TANC1: variants seen among roughly 807,000 people sequenced by gnomAD.
TANC1 encodes tetratricopeptide repeat, ankyrin repeat and coiled-coil containing 1, also known as protein TANC1.
In TANC1, 77 loss-of-function variants were observed where a neutral mutation model predicts 149.7. The ratio of observed to expected loss-of-function variants is 0.51; its 90% CI spans 0.43 to 0.62. The LOEUF (loss-of-function observed/expected upper bound fraction) is 0.62, where lower values mean the gene tolerates loss of function less well. TANC1 is among the 20% of genes least tolerant of loss of function. The pLI is 0.00. For missense variants in TANC1, 1,985 were observed against 2,321.8 expected (o/e 0.85, Z 2.98); for synonymous variants, 854 against 925.0 (o/e 0.92, Z 1.39).
At chr2:159,059,337 T>C (rs2042064084) in intron 2 of TANC1, among the ~76,000 whole-genome samples, 1 of 151,634 alleles carries the variant, frequency 6.6e-6, no homozygotes, top group African/African-American at 2.4e-5. Flanking sequence ...GACCTCCATC[T>C]CTATGAAAAA....
chr2:158,996,769 T>C (rs992506627), intron 1 of TANC1, among the ~76,000 whole-genome samples: 3 of 152,178 alleles, frequency 2.0e-5, no homozygotes, highest in African/African-American at 7.2e-5. Flanking sequence ...GGGATACACG[T>C]AGACATAAGT....
intron 14 of TANC1, among the ~76,000 whole-genome samples, chr2:159,184,307 C>A (rs1267963804): frequency 6.6e-6 from 1 of 152,170 alleles, no homozygotes; most frequent in Non-Finnish European, 1.5e-5. Context: ...TGCTTGGTCT[C>A]AAGAACAGGA....
At chr2:159,143,739 C>T (rs2051727841) in intron 5 of TANC1, among the ~76,000 whole-genome samples, 2 of 151,974 alleles carry the variant, frequency 1.3e-5, no homozygotes, top group Non-Finnish European at 2.9e-5. Context: ...AGATTGAATG[C>T]AGAAGAAGTT....
chr2:159,211,033 G>A (rs958473733), intron 19 of TANC1, among the ~76,000 whole-genome samples: 3 of 151,900 alleles, frequency 2.0e-5, no homozygotes, highest in Non-Finnish European at 4.4e-5. Context: ...ACCACTCCCG[G>A]CTAATTTTTG....
chr2:159,123,318 G>A (rs966006045), intron 4 of TANC1, among the ~76,000 whole-genome samples: 1 of 152,166 alleles, frequency 6.6e-6, no homozygotes, highest in Admixed American at 6.5e-5. Context: ...AGAAGGCTGG[G>A]ATAGTCTTGA....
At chr2:159,047,434 T>C (rs1244418989) in intron 2 of TANC1, among the ~76,000 whole-genome samples, 4 of 151,982 alleles carry the variant, frequency 2.6e-5, no homozygotes, top group East Asian at 1.9e-4. Flanking sequence ...GAAAAATATC[T>C]TGGGCCCCCA....
intron 4 of TANC1, among the ~76,000 whole-genome samples, chr2:159,107,517 T>C (rs996746956): frequency 1.3e-5 from 2 of 152,236 alleles, no homozygotes; most frequent in Non-Finnish European, 2.9e-5. Context: ...GTTCATTTTC[T>C]TGTGTGATGT....
chr2:159,096,561 A>C (rs1270258388), intron 3 of TANC1, among the ~76,000 whole-genome samples: 1 of 152,226 alleles, frequency 6.6e-6, no homozygotes, highest in East Asian at 1.9e-4. Context: ...GGGGAGGGGC[A>C]GGAGTTCTTA....
At chr2:159,225,601 C>A in intron 23 of TANC1, 87 bp from the exon 24 acceptor site, 2 of 1,023,352 alleles carry the variant, frequency 2.0e-6, no homozygotes, top group Non-Finnish European at 3.1e-6. Flanking sequence ...CCTGCTGGTG[C>A]TGACCTCCAG....
At chr2:159,017,463 C>T (rs2038391019) in intron 2 of TANC1, among the ~76,000 whole-genome samples, 1 of 152,134 alleles carries the variant, frequency 6.6e-6, no homozygotes, top group Non-Finnish European at 1.5e-5. Context: ...TTCTGCCTGA[C>T]TCAAGATTGT....
Position 159,149,197 on chromosome 2 carries a change from A to C in TANC1, c.420A>C (p.Thr140=). 1 of 1,613,908 alleles carries C rather than the reference A, an allele frequency of 6.2e-7. No individual in the cohort carries two copies. The highest frequency in any genetic ancestry group is 1.3e-5 in the African/African-American group (1 of 75,052). Residue 140 remains threonine (T), a synonymous_variant, in exon 6 of 27, where the codon ACA becomes ACC. Coordinates refer to ENST00000263635, the MANE Select transcript of TANC1 (RefSeq NM_033394.3). Reference sequence around the variant, plus strand: ...CGCCGGCAGCTCAAGAACTGTTGACAAGGCTGGGATTTTTACTGGGAGAAG... The same window carrying C: ...CGCCGGCAGCTCAAGAACTGTTGACCAGGCTGGGATTTTTACTGGGAGAAG... ...SCSPAAQELL[T]RLGFLLGEGI...
chr2:159,096,250 G>A (rs1159606032), intron 3 of TANC1, among the ~76,000 whole-genome samples: 2 of 150,570 alleles, frequency 1.3e-5, no homozygotes, highest in African/African-American at 4.9e-5. Flanking sequence ...GGAAGAAGCA[G>A]TCAGAGGAAA....
At chr2:159,200,030 G>T (rs1472587291) in intron 19 of TANC1, among the ~76,000 whole-genome samples, 1 of 152,176 alleles carries the variant, frequency 6.6e-6, no homozygotes, top group Admixed American at 6.5e-5. Context: ...GAATTCCAGC[G>T]GAGTTGGATT....
rs530578603 is a variant in TANC1, at chr2:159,229,331, C to G, written c.4152-247C>G. Among the ~76,000 whole-genome samples, 3 of 152,200 alleles carry G rather than the reference C, an allele frequency of 2.0e-5. No homozygotes were observed. The East Asian group carries it at 5.8e-4, about 30-fold the overall frequency. On this transcript the variant is annotated intron_variant, in intron 26 of 26. Coordinates refer to ENST00000263635, the MANE Select transcript of TANC1 (RefSeq NM_033394.3). ...GGCGCCCACTGATTCATGCTTCTCC[C>G]TATTCCCAGTCCAGTGGTCTTTATG...
At chr2:159,046,910 G>A (rs1403453688) in intron 2 of TANC1, among the ~76,000 whole-genome samples, 1 of 151,916 alleles carries the variant, frequency 6.6e-6, no homozygotes. Flanking sequence ...CCGCCCCTTT[G>A]CACCATACTC....
chr2:159,149,481 A>G, intron 6 of TANC1: 1 of 615,876 alleles, frequency 1.6e-6, no homozygotes, highest in Non-Finnish European at 2.9e-6. Flanking sequence ...ACGTAAGAAA[A>G]TGTCCACATT....
In TANC1 at chr2:159,169,251, A is replaced by C; in HGVS notation, c.948A>C (p.Ala316=). 6.2e-7 allele frequency: 1 copy of C among 1,613,608 alleles called. No individual in the cohort carries two copies. Among genetic ancestry groups the C allele is most frequent in the Non-Finnish European group, 8.5e-7 (1 of 1,179,526 alleles). The change falls in exon 9 of 27, where the codon GCA becomes GCC. Residue 316 remains alanine, a splice_region_variant and synonymous_variant. Transcript: ENST00000263635. ...CTAAACTTCAGTTTAATATTACAGC[A>C]ACAAGCTCAACCAAATTGGAAGATC... ...LIMPRPNSVA[A]TSSTKLEDLS...
At chr2:159,173,861 G>A (rs1175066355) in intron 11 of TANC1, among the ~76,000 whole-genome samples, 1 of 152,222 alleles carries the variant, frequency 6.6e-6, no homozygotes, top group African/African-American at 2.4e-5. Context: ...GAGAAAAGCT[G>A]TTGCACATTT....
chr2:158,969,175 A>G (rs914926747), intron 1 of TANC1, among the ~76,000 whole-genome samples: 14 of 152,006 alleles, frequency 9.2e-5, no homozygotes, highest in African/African-American at 2.7e-4. Flanking sequence ...CCTTCTCTGT[A>G]GCCCTCGGGC....
Sources: gnomAD v4.1 joint callset for allele counts (sites outside exome capture counted in the v4.1 genomes callset) on GRCh38, gnomAD v4.1.1 for gene constraint, MANE v1.5 for transcripts, NCBI Gene and HGNC (gene_info 2026-07-23, HGNC 2026-07-21) for gene names.